The following FOXN3 variants were observed in gnomAD, a reference collection of about 807,000 sequenced individuals.
FOXN3 encodes forkhead box protein N3.
In FOXN3, 7 loss-of-function variants were observed where a neutral mutation model predicts 38.4. The ratio of observed to expected loss-of-function variants is 0.18; its 90% CI spans 0.10 to 0.34. The LOEUF (loss-of-function observed/expected upper bound fraction) is 0.34. FOXN3 is among the 10% of genes least tolerant of loss of function. FOXN3 has a pLI of 1.00. For synonymous variants in FOXN3, 230 were observed against 242.2 expected (o/e 0.95, Z 0.47); for missense variants, 456 against 613.4 (o/e 0.74, Z 2.71).
upstream of FOXN3, chr14:89,419,076 T>C (rs887222795): frequency 2.2e-5 from 10 of 455,042 alleles, no homozygotes; most frequent in Non-Finnish European, 3.1e-5. Context: ...CCAAAGGTGA[T>C]TGTACATGGA....
chr14:89,289,526 C>G (rs1163281774), intron 3 of FOXN3, among the ~76,000 whole-genome samples: 1 of 152,114 alleles, frequency 6.6e-6, no homozygotes, highest in Non-Finnish European at 1.5e-5. Context: ...TCTGTTGACA[C>G]AAAAATCTCT....
chr14:89,483,147 C>T (rs1893374790), intron 1 of FOXN3, among the ~76,000 whole-genome samples: 1 of 152,118 alleles, frequency 6.6e-6, no homozygotes, highest in South Asian at 2.1e-4. Context: ...GTGGAGGTTG[C>T]ACAGACCCAA....
intron 5 of FOXN3, among the ~76,000 whole-genome samples, chr14:89,167,778 C>A (rs1299039513): frequency 6.6e-6 from 1 of 152,144 alleles, no homozygotes; most frequent in East Asian, 1.9e-4. Context: ...TTTAAAGTAA[C>A]CTGCAGTGTG....
intron 4 of FOXN3, among the ~76,000 whole-genome samples, chr14:89,202,895 TAATACAAAAA>T (rs1888271711): frequency 6.6e-6 from 1 of 151,834 alleles, no homozygotes; most frequent in South Asian, 2.1e-4. Flanking sequence ...TCCTTTCTAG[TAATACAAAAA>T]AACCCCACAG....
chr14:89,459,172 G>C (rs1008478275), intron 1 of FOXN3, among the ~76,000 whole-genome samples: 11 of 150,406 alleles, frequency 7.3e-5, no homozygotes, highest in Non-Finnish European at 1.3e-4. Flanking sequence ...AGAAGAAGAA[G>C]AAAAAAAGGG....
At chr14:89,308,403 G>A (rs371050198) in intron 3 of FOXN3, among the ~76,000 whole-genome samples, 12 of 152,348 alleles carry the variant, frequency 7.9e-5, no homozygotes, top group South Asian at 4.1e-4. Context: ...GTCCCGCACC[G>A]TTCTGTGCAG....
At chr14:89,525,832 C>G (rs945818471) in intron 1 of FOXN3, among the ~76,000 whole-genome samples, 1 of 151,952 alleles carries the variant, frequency 6.6e-6, no homozygotes, top group Non-Finnish European at 1.5e-5. Flanking sequence ...AACTAAAAAC[C>G]AATATCTCTC....
intron 4 of FOXN3, among the ~76,000 whole-genome samples, chr14:89,237,547 T>C (rs1885015587): frequency 6.6e-6 from 1 of 152,234 alleles, no homozygotes; most frequent in African/African-American, 2.4e-5. Flanking sequence ...AATAAGCTGG[T>C]TGTGATATTG....
chr14:89,284,863 T>C (rs1359918331), intron 3 of FOXN3, among the ~76,000 whole-genome samples: 4 of 152,002 alleles, frequency 2.6e-5, no homozygotes, highest in African/African-American at 9.7e-5. Flanking sequence ...TCCCAAGAGG[T>C]GAGTGATACC....
chr14:89,449,642 G>A (rs112391200), intron 1 of FOXN3, among the ~76,000 whole-genome samples: 2 of 152,298 alleles, frequency 1.3e-5, no homozygotes, highest in African/African-American at 4.8e-5. Context: ...GAATTACCAC[G>A]TTTTTGGGGG....
intron 2 of FOXN3, chr14:89,399,927 C>T (rs987665505): frequency 1.3e-5 from 2 of 152,208 alleles, no homozygotes; most frequent in Non-Finnish European, 2.9e-5. Context: ...GACACATATA[C>T]AAGAAAAATT....
At chr14:89,237,186 C>G (rs1441969317) in intron 4 of FOXN3, among the ~76,000 whole-genome samples, 1 of 152,056 alleles carries the variant, frequency 6.6e-6, no homozygotes, top group African/African-American at 2.4e-5. Context: ...CATAAATAGA[C>G]ATTTTGCAGA....
intron 1 of FOXN3, among the ~76,000 whole-genome samples, chr14:89,489,961 G>C (rs903484918): frequency 1.3e-5 from 2 of 152,210 alleles, no homozygotes; most frequent in African/African-American, 4.8e-5. Flanking sequence ...ACTCCACACA[G>C]GAGCTGTGTC....
intron 4 of FOXN3, among the ~76,000 whole-genome samples, chr14:89,202,543 T>C (rs1203011947): frequency 6.6e-6 from 1 of 152,232 alleles, no homozygotes; most frequent in Non-Finnish European, 1.5e-5. Context: ...TGCTGAAGTT[T>C]GATCCCCAGC....
At chr14:89,560,732 T>C (rs1895231722) in intron 1 of FOXN3, among the ~76,000 whole-genome samples, 1 of 152,222 alleles carries the variant, frequency 6.6e-6, no homozygotes, top group South Asian at 2.1e-4. Context: ...AAAGAAAATG[T>C]GTACTACAGG....
At chr14:89,169,717 T>C (rs148853606) in intron 5 of FOXN3, among the ~76,000 whole-genome samples, 12 of 152,244 alleles carry the variant, frequency 7.9e-5, no homozygotes, top group Admixed American at 7.9e-4. Flanking sequence ...ATGCTAAAAG[T>C]TCTAGGATCA....
chr14:89,384,867 T>C (rs1013742742), intron 2 of FOXN3, among the ~76,000 whole-genome samples: 2 of 152,224 alleles, frequency 1.3e-5, no homozygotes, highest in Non-Finnish European at 2.9e-5. Flanking sequence ...ACAGCCTTGA[T>C]GGCTCTCTGA....
At chr14:89,550,419 C>A (rs1566696162) in intron 1 of FOXN3, among the ~76,000 whole-genome samples, 1 of 152,220 alleles carries the variant, frequency 6.6e-6, no homozygotes, top group Non-Finnish European at 1.5e-5. Flanking sequence ...AGCCCTTCCC[C>A]ATTTCCTGGA....
intron 1 of FOXN3, among the ~76,000 whole-genome samples, chr14:89,446,935 G>T (rs1057097154): frequency 1.6e-4 from 24 of 152,324 alleles, no homozygotes; most frequent in African/African-American, 4.8e-4. Flanking sequence ...GGTGGCTCAT[G>T]CCTGTAATTC....
Sources: gnomAD v4.1 joint callset for allele counts (sites outside exome capture counted in the v4.1 genomes callset) on GRCh38, gnomAD v4.1.1 for gene constraint, MANE v1.5 for transcripts, NCBI Gene and HGNC (gene_info 2026-07-23, HGNC 2026-07-21) for gene names.